Variants in CYP4F8 observed in about 807,000 individuals in gnomAD.
CYP4F8 encodes cytochrome P450 family 4 subfamily F member 8, also known as cytochrome P450 4F8.
CYP4F8 carries 56 observed loss-of-function variants against 55.0 expected under a neutral mutation model. The ratio of observed to expected loss-of-function variants is 1.02; its 90% CI spans 0.82 to 1.27. CYP4F8 has a LOEUF of 1.27. Among genes scored for constraint, CYP4F8 ranks in the 50% most tolerant of loss-of-function variants. The pLI is 0.00. For synonymous variants in CYP4F8, 288 were observed against 267.3 expected, an observed-to-expected ratio of 1.08 and a Z score of -0.76; for missense variants, 680 against 682.4, an observed-to-expected ratio of 1.00 and a Z score of 0.04.
intron 3 of CYP4F8, 83 bp from the exon 4 acceptor site, chr19:15,619,407 C>T: frequency 1.9e-6 from 3 of 1,544,208 alleles, no homozygotes; most frequent in Non-Finnish European, 2.7e-6. Context: ...GACGTCCAAA[C>T]CTCTGGCTGG....
At chr19:15,623,449 C>G in intron 7 of CYP4F8, 74 bp downstream of exon 7, 1 of 1,582,696 alleles carries the variant, frequency 6.3e-7, no homozygotes, top group Non-Finnish European at 8.6e-7. Flanking sequence ...AAGGACCGGA[C>G]TTGATACAGA....
intron 12 of CYP4F8, 126 bp from the exon 13 acceptor site, chr19:15,629,067 C>A: frequency 1.4e-6 from 2 of 1,382,768 alleles, no homozygotes; most frequent in Non-Finnish European, 1.9e-6. Flanking sequence ...GGGTCCCAGA[C>A]CCAGCTTCCC....
intron 9 of CYP4F8, among the ~76,000 whole-genome samples, chr19:15,624,530 G>C (rs1972238434): frequency 6.6e-6 from 1 of 152,186 alleles, no homozygotes; most frequent in Non-Finnish European, 1.5e-5. Flanking sequence ...TAAAAGACAT[G>C]ATGTGTTGAA....
chr19:15,628,510 C>T (rs751627914), intron 10 of CYP4F8, 21 bp from the exon 11 acceptor site: 1 of 1,613,656 alleles, frequency 6.2e-7, no homozygotes, highest in South Asian at 1.1e-5. Flanking sequence ...CTTGTTCTTA[C>T]TGTCCTCTCC....
intron 9 of CYP4F8, 26 bp downstream of exon 9, chr19:15,624,120 C>A: frequency 6.2e-7 from 1 of 1,605,452 alleles, no homozygotes; most frequent in Non-Finnish European, 8.5e-7. Context: ...GGTGGCTCTG[C>A]CTTTCTGCCT....
Position 15,629,571 on chromosome 19 carries a change from G to A in CYP4F8, c.*213G>A. 1.7e-6 allele frequency: 1 copy of A among 596,504 alleles called. No individual in the cohort carries two copies. The highest frequency in any genetic ancestry group is 2.7e-6 in the Non-Finnish European group (1 of 368,858). 37.0% of individuals were successfully genotyped at this position (596,504 alleles called of 1,614,324 possible). A position where few individuals can be genotyped will look rare whatever the true frequency, so the allele number is the denominator to read the frequency against. On this transcript the variant is annotated 3_prime_UTR_variant, in exon 13 of 13. Coordinates refer to ENST00000612078, the MANE Select transcript of CYP4F8 (RefSeq NM_007253.4). ...CAAGATACTCACTGCCTCTCTGGGT[G>A]AGCACAGGAGCCCCGTGCTGAGGGT...
chr19:15,626,286 G>A (rs779448324), intron 9 of CYP4F8, among the ~76,000 whole-genome samples: 15 of 152,176 alleles, frequency 9.9e-5, no homozygotes, highest in Non-Finnish European at 2.1e-4. Flanking sequence ...GCCATGTCCT[G>A]GAGGTTGCCT....
Position 15,628,421 on chromosome 19 carries a change from G to A in CYP4F8, c.1235G>A (p.Arg412Gln), listed in dbSNP as rs112696102. ...CTQDVVLPDS[R>Q]VIPKGNVCNI... Reference sequence around the variant, plus strand: ...CAGGACGTGGTGCTCCCAGACAGCCGAGTCATCCCCAAAGGTGCCCTCCAT... The same window carrying A: ...CAGGACGTGGTGCTCCCAGACAGCCAAGTCATCCCCAAAGGTGCCCTCCAT... The change falls in exon 10 of 13, where the codon CGA becomes CAA. Residue 412 changes from arginine to glutamine, a missense_variant. Coordinates refer to ENST00000612078, the MANE Select transcript of CYP4F8 (RefSeq NM_007253.4). 20 of 1,614,098 alleles carry A rather than the reference G, an allele frequency of 1.2e-5. No individual in the cohort carries two copies. In the African/African-American group the frequency reaches 1.3e-4, roughly 11 times the overall value.
chr19:15,619,323 C>G, intron 3 of CYP4F8, 167 bp from the exon 4 acceptor site: 1 of 684,844 alleles, frequency 1.5e-6, no homozygotes, highest in Non-Finnish European at 2.4e-6. Flanking sequence ...CTAGTCCGGT[C>G]CCCTTTATGC....
At chr19:15,619,431 T>TA (rs1972164426) in intron 3 of CYP4F8, 59 bp from the exon 4 acceptor site, 3 of 1,601,776 alleles carry the variant, frequency 1.9e-6, no homozygotes, top group Non-Finnish European at 2.6e-6. Context: ...CCACCCTCCA[T>TA]ACCCAAAGTC....
intron 7 of CYP4F8, 101 bp from the exon 8 acceptor site, chr19:15,623,598 G>A: frequency 2.1e-6 from 3 of 1,399,276 alleles, no homozygotes; most frequent in Non-Finnish European, 2.9e-6. Flanking sequence ...ATCTGGAGGT[G>A]ACAAGGGAGG....
In CYP4F8 at chr19:15,624,113, G is replaced by A. The variant is rs1972233060; in HGVS notation, c.1115+19G>A. 6.2e-7 allele frequency: 1 copy of A among 1,609,724 alleles called. No homozygotes were observed. The highest frequency in any genetic ancestry group is 1.1e-5 in the South Asian group (1 of 90,948). ...TTGAATGGTGAGTGCAGGTGCTGGT[G>A]GCTCTGCCTTTCTGCCTTTCTGAGT... On this transcript the variant is annotated intron_variant, in intron 9 of 12. Coordinates refer to ENST00000612078, the MANE Select transcript of CYP4F8 (RefSeq NM_007253.4).
In CYP4F8 at chr19:15,622,120, G is replaced by A. The variant is rs561230626; in HGVS notation, c.526-99G>A. 5.5e-6 allele frequency: 8 copies of A among 1,461,400 alleles called. No individual in the cohort carries two copies. In the East Asian group the frequency reaches 2.0e-4, roughly 36 times the overall value. The allele number at this position is 1,461,400 out of a possible 1,614,324, so 90.5% of individuals were successfully genotyped here. A position where few individuals can be genotyped will look rare whatever the true frequency, so the allele number is the denominator to read the frequency against. On this transcript the variant is annotated intron_variant, in intron 5 of 12. Coordinates refer to ENST00000612078, the MANE Select transcript of CYP4F8 (RefSeq NM_007253.4). ...GATGGGGGTCTGGGACAGAAAACCAGGAGCATGCCTCTGGGGGAGTCCATC... is the reference window on the plus strand; with the variant it reads ...GATGGGGGTCTGGGACAGAAAACCAAGAGCATGCCTCTGGGGGAGTCCATC...
chr19:15,616,340 G>A (rs973612785), intron 2 of CYP4F8, among the ~76,000 whole-genome samples: 3 of 148,248 alleles, frequency 2.0e-5, no homozygotes, highest in Non-Finnish European at 4.4e-5. Context: ...GCTTTGCCAT[G>A]CCAAGCCTTT....
chr19:15,619,272 C>A, intron 3 of CYP4F8: 2 of 557,126 alleles, frequency 3.6e-6, no homozygotes, highest in East Asian at 3.0e-5. Flanking sequence ...GTGTGCTGTA[C>A]CATGTCAGGG....
intron 2 of CYP4F8, among the ~76,000 whole-genome samples, chr19:15,617,246 A>G (rs1972134401): frequency 6.6e-6 from 1 of 152,146 alleles, no homozygotes; most frequent in Non-Finnish European, 1.5e-5. Context: ...TTCTCCATGA[A>G]CAGACAGTTT....
At chr19:15,617,934 A>T (rs952368903) in intron 2 of CYP4F8, 66 bp from the exon 3 acceptor site, 1 of 1,557,440 alleles carries the variant, frequency 6.4e-7, no homozygotes, top group Non-Finnish European at 8.7e-7. Flanking sequence ...GTTTGACTGG[A>T]TATCTGGGCA....
In CYP4F8 at chr19:15,628,812, A is replaced by G; in HGVS notation, c.1366A>G (p.Met456Val). 1.9e-6 allele frequency: 3 copies of G among 1,608,912 alleles called. No individual in the cohort carries two copies. The highest frequency in any genetic ancestry group is 2.5e-6 in the Non-Finnish European group (3 of 1,178,046). The change falls in exon 12 of 13, where the codon ATG (methionine) becomes GTG (valine). Residue 456 changes from methionine (M) to valine (V), a missense_variant. By Grantham distance (21) the Met-to-Val change is conservative (BLOSUM62 1). Transcript: ENST00000612078. ...AGAAAACGCCCAGAAGAGGTCACCT[A>G]TGGCTTTTATTCCTTTCTCGGCGGG... ...DPENAQKRSPMAFIPFSAGPR... is the reference protein window; with the variant it reads ...DPENAQKRSPVAFIPFSAGPR...
Position 15,626,605 on chromosome 19 carries a change from A to ATATCTATCTATC in CYP4F8, c.1116-1667_1116-1656dup, listed in dbSNP as rs57706048. Among the ~76,000 whole-genome samples the ATATCTATCTATC allele has an allele frequency of 5.0e-3, 730 of 146,934 alleles. 3 individuals are homozygous for ATATCTATCTATC. The highest frequency in any genetic ancestry group is 8.3e-3 in the East Asian group (41 of 4,966). The stretch of plus-strand genomic sequence containing the variant: ...CTAACATATTCAGATATTGTTCTGG[A>ATATCTATCTATC]TATCTATCTATCTATCTATCTATCT... On this transcript the variant is annotated intron_variant, in intron 9 of 12. Coordinates refer to ENST00000612078, the MANE Select transcript of CYP4F8 (RefSeq NM_007253.4).
Sources: gnomAD v4.1 joint callset for allele counts (sites outside exome capture counted in the v4.1 genomes callset) on GRCh38, gnomAD v4.1.1 for gene constraint, MANE v1.5 for transcripts, NCBI Gene and HGNC (gene_info 2026-07-23, HGNC 2026-07-21) for gene names.